Variants in CLCN3 observed in about 807,000 individuals in gnomAD.
CLCN3 encodes the protein Cl-/H+ antiporter 3.
CLCN3 carries 16 observed loss-of-function variants against 83.4 expected under a neutral mutation model. That is an observed-to-expected ratio of 0.19 (90% CI 0.13 to 0.29). CLCN3 has a LOEUF of 0.29. Ranked by LOEUF, CLCN3 falls within the 10% of genes least tolerant of loss-of-function variation. The pLI, the probability that CLCN3 is intolerant of heterozygous loss-of-function variation, is 1.00. For missense variants in CLCN3, 544 were observed against 1,006.0 expected, an observed-to-expected ratio of 0.54 and a Z score of 6.21; for synonymous variants, 322 against 346.2, an observed-to-expected ratio of 0.93 and a Z score of 0.78.
rs779133582 is a variant in CLCN3 at position 169,692,209 on chromosome 4, A to C, written c.825A>C (p.Ser275=). 1 of 1,612,724 alleles carries C rather than the reference A, an allele frequency of 6.2e-7. No homozygotes were observed. The highest frequency in any genetic ancestry group is 8.5e-7 in the Non-Finnish European group (1 of 1,178,888). ...KTITLVLAVA[S]GLSLGKEGPL... ...TCACATTAGTCCTGGCTGTGGCATC[A>C]GGTTTGAGTTTAGGAAAAGAAGGTC... is the stretch of plus-strand genomic sequence containing the variant. Residue 275 remains serine, a synonymous_variant, in exon 7 of 13, where the codon TCA becomes TCC. Transcript: ENST00000513761.
At chr4:169,699,885 AAAT>A (rs1396094377) in intron 9 of CLCN3, among the ~76,000 whole-genome samples, 9 of 152,118 alleles carry the variant, frequency 5.9e-5, no homozygotes, top group African/African-American at 4.8e-5. Flanking sequence ...CTGTCTCAAA[AAAT>A]AATAATAAGA....
chr4:169,693,002 T>C (rs1732428782), intron 7 of CLCN3, among the ~76,000 whole-genome samples: 1 of 152,184 alleles, frequency 6.6e-6, no homozygotes, highest in Non-Finnish European at 1.5e-5. Context: ...GCTCTAGACT[T>C]TGGGAGCCCA....
At chr4:169,668,869 A>G (rs149323604) in intron 2 of CLCN3, among the ~76,000 whole-genome samples, 131 of 152,132 alleles carry the variant, frequency 8.6e-4, no homozygotes, top group African/African-American at 3.1e-3. Flanking sequence ...TGTTAAAATT[A>G]ATTGGTTCTG....
Position 169,635,959 on chromosome 4 carries a change from T to C in CLCN3, c.31T>C (p.Tyr11His). 1.9e-6 allele frequency: 3 copies of C among 1,611,264 alleles called. No individual in the cohort carries two copies. The highest frequency in any genetic ancestry group is 2.5e-6 in the Non-Finnish European group (3 of 1,178,538). Residue 11 changes from tyrosine (Y) to histidine (H), a missense_variant, in exon 2 of 13, where the codon TAC becomes CAC. Physicochemically the swap from Tyr to His is moderately conservative, Grantham distance 83 (BLOSUM62 2). This residue lies in a region of CLCN3 where 77 missense variants were observed against 92.8 expected (regional missense o/e 0.83). Coordinates refer to ENST00000513761, the MANE Select transcript of CLCN3 (RefSeq NM_001829.4). ...GTCTGAGCAGCTGTTCCATAGAGGC[T>C]ACTATAGAAACAGCTACAACAGTAT... MESEQLFHRG[Y>H]YRNSYNSITS... is the part of the protein sequence containing the mutation.
intron 2 of CLCN3, among the ~76,000 whole-genome samples, chr4:169,646,504 C>T (rs1730577407): frequency 6.6e-6 from 1 of 152,024 alleles, no homozygotes; most frequent in Non-Finnish European, 1.5e-5. Context: ...CTATGTTGGC[C>T]AGGCTGGTCT....
In CLCN3 at chr4:169,720,135, T is replaced by C; in HGVS notation, c.*138T>C. 7.4e-7 allele frequency: 1 copy of C among 1,349,790 alleles called. No homozygotes were observed. Among genetic ancestry groups the C allele is most frequent in the Non-Finnish European group, 1.0e-6 (1 of 980,720 alleles). 83.6% of individuals were successfully genotyped at this position (1,349,790 alleles called of 1,614,324 possible). A position where few individuals can be genotyped will look rare whatever the true frequency, so the allele number is the denominator to read the frequency against. ...AAAGGAAATATAAAAGCCGGGTTTT[T>C]GCAACATGGTTTGCAAATAATGCTG... On this transcript the variant is annotated 3_prime_UTR_variant, in exon 13 of 13. Coordinates refer to ENST00000513761, the MANE Select transcript of CLCN3 (RefSeq NM_001829.4).
At chr4:169,634,739 T>A (rs1338574659) in intron 1 of CLCN3, among the ~76,000 whole-genome samples, 1 of 152,168 alleles carries the variant, frequency 6.6e-6, no homozygotes, top group Non-Finnish European at 1.5e-5. Context: ...CATTTCTCTT[T>A]TTGACCTCAT....
intron 1 of CLCN3, among the ~76,000 whole-genome samples, chr4:169,629,559 C>T (rs908990616): frequency 8.6e-5 from 13 of 151,978 alleles, no homozygotes; most frequent in East Asian, 3.9e-4. Context: ...TTAGTAGAGA[C>T]GGGGTTTCAC....
rs554431384 is a variant in CLCN3 at position 169,680,262 on chromosome 4, A to G, written c.318+55A>G. 60 of 1,276,980 alleles carry G rather than the reference A, an allele frequency of 4.7e-5. No individual in the cohort carries two copies. The East Asian group carries it at 1.4e-3, about 30-fold the overall frequency. 79.1% of individuals were successfully genotyped at this position (1,276,980 alleles called of 1,614,324 possible). ...ACATAGTGCATAATTAGATCTTTTA[A>G]TAATATATTTCTGCCAATGATCTCA... On this transcript the variant is annotated intron_variant, in intron 3 of 12. Coordinates refer to ENST00000513761, the MANE Select transcript of CLCN3 (RefSeq NM_001829.4).
intron 2 of CLCN3, among the ~76,000 whole-genome samples, chr4:169,644,414 C>T (rs554169618): frequency 5.3e-5 from 8 of 152,114 alleles, no homozygotes; most frequent in African/African-American, 1.4e-4. Flanking sequence ...TACACCACCA[C>T]GCCTGGCTAA....
chr4:169,723,048 T>G lies in CLCN3; in HGVS notation c.*3051T>G, dbSNP rs183638977. 1 of 152,226 alleles carries G rather than the reference T, an allele frequency of 6.6e-6. No individual in the cohort carries two copies. Among genetic ancestry groups the G allele is most frequent in the African/African-American group, 2.4e-5 (1 of 41,456 alleles). 9.4% of individuals were successfully genotyped at this position (152,226 alleles called of 1,614,324 possible). The stretch of plus-strand genomic sequence containing the variant: ...TTCAGTTTTGGTTCACGAAGAATGC[T>G]TAGTTAATCTGTAATGTTGCCTAGA... On this transcript the variant is annotated 3_prime_UTR_variant, in exon 13 of 13. Transcript: ENST00000513761.
At chr4:169,718,590 A>G (rs922030629) in intron 12 of CLCN3, among the ~76,000 whole-genome samples, 5 of 152,158 alleles carry the variant, frequency 3.3e-5, no homozygotes, top group Admixed American at 3.3e-4. Flanking sequence ...AACTGGCTTT[A>G]TGTCCTAGTG....
chr4:169,645,789 G>T (rs1730555680), intron 2 of CLCN3, among the ~76,000 whole-genome samples: 1 of 152,094 alleles, frequency 6.6e-6, no homozygotes, highest in Non-Finnish European at 1.5e-5. Context: ...AGTCCCTTTA[G>T]TAAGCCTTAC....
At chr4:169,713,379 A>G (rs1286180295) in intron 12 of CLCN3, 84 bp downstream of exon 12, 12 of 1,059,036 alleles carry the variant, frequency 1.1e-5, no homozygotes, top group Non-Finnish European at 1.6e-5. Context: ...TTAGGGGAGC[A>G]TGTGAGTCAG....
At chr4:169,624,640 T>G (rs1193353788) in intron 1 of CLCN3, among the ~76,000 whole-genome samples, 1 of 152,230 alleles carries the variant, frequency 6.6e-6, no homozygotes, top group Non-Finnish European at 1.5e-5. Flanking sequence ...TAATTTATGC[T>G]GAAGTCTACT....
At chr4:169,635,152 G>A (rs187257369) in intron 1 of CLCN3, among the ~76,000 whole-genome samples, 27 of 152,210 alleles carry the variant, frequency 1.8e-4, no homozygotes, top group African/African-American at 6.5e-4. Flanking sequence ...GCTAAGTCTT[G>A]TTTTACAAGG....
intron 10 of CLCN3, 41 bp from the exon 11 acceptor site, chr4:169,706,827 G>C: frequency 6.5e-7 from 1 of 1,541,916 alleles, no homozygotes; most frequent in Non-Finnish European, 8.8e-7. Flanking sequence ...TAATGATGAG[G>C]ATCCTGTCCT....
At chr4:169,685,534 T>G (rs1732122076) in intron 3 of CLCN3, among the ~76,000 whole-genome samples, 2 of 152,236 alleles carry the variant, frequency 1.3e-5, no homozygotes, top group African/African-American at 4.8e-5. Flanking sequence ...ATATATCTCA[T>G]TCTTTTTAAT....
intron 9 of CLCN3, among the ~76,000 whole-genome samples, chr4:169,702,115 A>G (rs1560868783): frequency 1.3e-5 from 2 of 152,136 alleles, no homozygotes; most frequent in African/African-American, 2.4e-5. Flanking sequence ...GTTTCTATCT[A>G]TTGGAAGATG....
Sources: gnomAD v4.1 joint callset for allele counts (sites outside exome capture counted in the v4.1 genomes callset) on GRCh38, gnomAD v4.1.1 for gene constraint, gnomAD v4.1.1 regional missense constraint, MANE v1.5 for transcripts, NCBI Gene and HGNC (gene_info 2026-07-23, HGNC 2026-07-21) for gene names.